Variants in PBX3 observed in about 807,000 individuals in gnomAD.
PBX3 encodes the protein pre-B-cell leukemia transcription factor 3.
A neutral mutation model predicts 48.5 loss-of-function variants in PBX3; 14 were observed. The ratio of observed to expected loss-of-function variants is 0.29; its 90% CI spans 0.19 to 0.45. PBX3 has a LOEUF of 0.45. Ranked by LOEUF, PBX3 falls within the 20% of genes least tolerant of loss-of-function variation. The pLI, the probability that PBX3 is intolerant of heterozygous loss-of-function variation, is 1.00. For missense variants in PBX3, 386 were observed against 546.7 expected, an observed-to-expected ratio of 0.71 and a Z score of 2.93; for synonymous variants, 210 against 200.3, an observed-to-expected ratio of 1.05 and a Z score of -0.41.
At chr9:125,787,383 T>C (rs1363430715) in intron 2 of PBX3, among the ~76,000 whole-genome samples, 1 of 152,032 alleles carries the variant, frequency 6.6e-6, no homozygotes, top group African/African-American at 2.4e-5. Context: ...AAGTAGAGTT[T>C]GAAGGGAGTG....
chr9:125,889,815 T>A (rs1564158208), intron 2 of PBX3, among the ~76,000 whole-genome samples: 1 of 148,252 alleles, frequency 6.7e-6, no homozygotes, highest in East Asian at 2.0e-4. Flanking sequence ...GGGAGCCGGA[T>A]CGCCGTCCGC....
chr9:125,899,244 CATATGTATATATATTTATAT>C (rs1840854906), intron 2 of PBX3, among the ~76,000 whole-genome samples: 1 of 122,686 alleles, frequency 8.2e-6, no homozygotes, highest in Non-Finnish European at 1.8e-5. Context: ...TATAAATATA[CATATGTATATATATTTATAT>C]ATAAATATAC....
At chr9:125,910,261 G>A (rs1841172421) in intron 2 of PBX3, among the ~76,000 whole-genome samples, 1 of 152,042 alleles carries the variant, frequency 6.6e-6, no homozygotes, top group South Asian at 2.1e-4. Flanking sequence ...GGACATATAT[G>A]ATAAAAATGT....
At chr9:125,922,028 A>C (rs1162593449) in intron 3 of PBX3, among the ~76,000 whole-genome samples, 1 of 152,182 alleles carries the variant, frequency 6.6e-6, no homozygotes, top group African/African-American at 2.4e-5. Context: ...TCCACAATAT[A>C]AACTTAAAGG....
At chr9:125,792,316 C>T (rs950041202) in intron 2 of PBX3, among the ~76,000 whole-genome samples, 2 of 152,088 alleles carry the variant, frequency 1.3e-5, no homozygotes, top group Non-Finnish European at 2.9e-5. Flanking sequence ...CAGGGTATGG[C>T]TCTTTGAAGA....
chr9:125,785,117 G>C (rs1014685412), intron 2 of PBX3, among the ~76,000 whole-genome samples: 2 of 152,120 alleles, frequency 1.3e-5, no homozygotes, highest in African/African-American at 4.8e-5. Flanking sequence ...CTGTTTTTCT[G>C]CCCTGAGTGA....
At chr9:125,780,484 T>C (rs1588139251) in intron 2 of PBX3, among the ~76,000 whole-genome samples, 3 of 115,298 alleles carry the variant, frequency 2.6e-5, no homozygotes, top group Admixed American at 8.6e-5. Flanking sequence ...CCCACCTCCC[T>C]CCCGGACGGG....
In PBX3 at chr9:125,792,989, C is replaced by T. The variant is rs559132436; in HGVS notation, c.274+44366C>T. On this transcript the variant is annotated intron_variant, in intron 2 of 8. Transcript: ENST00000373489. ...CTGGGATTATAAGCGTGAGCCACCGCGCCCGGCCGAGGTATACTTAATTTA... is the reference window on the plus strand; with the variant it reads ...CTGGGATTATAAGCGTGAGCCACCGTGCCCGGCCGAGGTATACTTAATTTA... Among the ~76,000 whole-genome samples, 5 of 151,942 alleles carry T rather than the reference C, an allele frequency of 3.3e-5. No individual in the cohort carries two copies. The East Asian group carries it at 5.9e-4, about 18-fold the overall frequency.
chr9:125,902,080 GT>G (rs139470100), intron 2 of PBX3, among the ~76,000 whole-genome samples: 18 of 147,674 alleles, frequency 1.2e-4, no homozygotes, highest in South Asian at 2.1e-4. Flanking sequence ...ACAACTTGTG[GT>G]TTTTTTTTTA....
chr9:125,936,827 ATATAT>A (rs879459921), intron 5 of PBX3, among the ~76,000 whole-genome samples: 14 of 152,324 alleles, frequency 9.2e-5, no homozygotes, highest in Non-Finnish European at 1.5e-4. Context: ...TTACATAGAC[ATATAT>A]TATATAAAAC....
intron 2 of PBX3, among the ~76,000 whole-genome samples, chr9:125,908,675 T>C (rs955814363): frequency 1.3e-5 from 2 of 152,076 alleles, no homozygotes; most frequent in African/African-American, 2.4e-5. Flanking sequence ...CAAAGACCCA[T>C]AGGGATTAAA....
chr9:125,821,457 G>A (rs1383746984), intron 2 of PBX3, among the ~76,000 whole-genome samples: 1 of 151,998 alleles, frequency 6.6e-6, no homozygotes, highest in African/African-American at 2.4e-5. Context: ...GATTAATATA[G>A]GGGATTAATT....
chr9:125,941,355 C>A (rs1841954832), intron 5 of PBX3, among the ~76,000 whole-genome samples: 1 of 152,164 alleles, frequency 6.6e-6, no homozygotes, highest in Non-Finnish European at 1.5e-5. Context: ...ATGGTGATGA[C>A]TTGGGCTTTC....
chr9:125,916,062 T>C, intron 3 of PBX3, 135 bp downstream of exon 3: 1 of 1,277,118 alleles, frequency 7.8e-7, no homozygotes, highest in Non-Finnish European at 1.1e-6. Context: ...AGTGCAAAAA[T>C]CCAAGTGAAT....
At chr9:125,823,279 A>G (rs981124553) in intron 2 of PBX3, among the ~76,000 whole-genome samples, 17 of 152,202 alleles carry the variant, frequency 1.1e-4, no homozygotes, top group African/African-American at 4.1e-4. Flanking sequence ...AGCATCACAA[A>G]TAAAAGTTGT....
rs746217179 is a variant in PBX3 at position 125,949,524 on chromosome 9, C to CTG, written c.844-11156_844-11155dup. On this transcript the variant is annotated intron_variant, in intron 5 of 8. Coordinates refer to ENST00000373489, the MANE Select transcript of PBX3 (RefSeq NM_006195.6). ...GTTCTTAGTCTCTGATGGACCTATA[C>CTG]TGTGTATATATATATATAGTATTCT... 8.8e-4 allele frequency: 1,315 copies of CTG among 1,502,774 alleles called. 8 individuals are homozygous for CTG. Among genetic ancestry groups the CTG allele is most frequent in the Non-Finnish European group, 1.1e-3 (1,204 of 1,121,266 alleles). The allele number at this position is 1,502,774 out of a possible 1,614,324, so 93.1% of individuals were successfully genotyped here.
chr9:125,931,052 G>A (rs927909915), intron 4 of PBX3, among the ~76,000 whole-genome samples: 1 of 152,066 alleles, frequency 6.6e-6, no homozygotes, highest in Non-Finnish European at 1.5e-5. Context: ...AAGGATGAAG[G>A]ATAAAAGTTA....
chr9:125,852,707 T>TA (rs1371614495), intron 2 of PBX3, among the ~76,000 whole-genome samples: 1 of 152,178 alleles, frequency 6.6e-6, no homozygotes, highest in Non-Finnish European at 1.5e-5. Flanking sequence ...TTTATTCTGT[T>TA]ATGAAACATT....
At chr9:125,824,343 G>A (rs1838746196) in intron 2 of PBX3, among the ~76,000 whole-genome samples, 2 of 152,176 alleles carry the variant, frequency 1.3e-5, no homozygotes, top group Non-Finnish European at 2.9e-5. Context: ...AGATATGCCT[G>A]GAATGAAGAA....
Sources: gnomAD v4.1 joint callset for allele counts (sites outside exome capture counted in the v4.1 genomes callset) on GRCh38, gnomAD v4.1.1 for gene constraint, MANE v1.5 for transcripts, NCBI Gene and HGNC (gene_info 2026-07-23, HGNC 2026-07-21) for gene names.